Variants in PACRG observed in about 807,000 individuals in gnomAD.
PACRG encodes parkin coregulated.
Under a neutral mutation model 29.7 loss-of-function variants are expected in PACRG, and 29 were observed. That is an observed-to-expected ratio of 0.98 (90% CI 0.73 to 1.33). PACRG has a LOEUF of 1.33. PACRG is among the 40% of genes most tolerant of loss of function. The pLI, the probability that PACRG is intolerant of heterozygous loss-of-function variation, is 0.00. For missense variants in PACRG, 279 were observed against 316.2 expected, an observed-to-expected ratio of 0.88 and a Z score of 0.89; for synonymous variants, 116 against 118.7, an observed-to-expected ratio of 0.98 and a Z score of 0.15.
chr6:162,949,165 T>C (rs1259101105), intron 2 of PACRG, among the ~76,000 whole-genome samples: 1 of 152,148 alleles, frequency 6.6e-6, no homozygotes, highest in Non-Finnish European at 1.5e-5. Flanking sequence ...TGGAATACTA[T>C]TCAGCCTTAA....
chr6:163,084,594 C>T (rs1020290046), intron 3 of PACRG, among the ~76,000 whole-genome samples: 3 of 152,086 alleles, frequency 2.0e-5, no homozygotes, highest in African/African-American at 7.2e-5. Flanking sequence ...ATTTTAGATG[C>T]CATTACGCGT....
At chr6:162,985,256 C>T (rs1366943607) in intron 2 of PACRG, among the ~76,000 whole-genome samples, 17 of 151,764 alleles carry the variant, frequency 1.1e-4, no homozygotes, top group Admixed American at 6.6e-5. Flanking sequence ...TTTAAAAAAA[C>T]GAAAACTACA....
At chr6:163,031,139 G>C (rs1158528937) in intron 2 of PACRG, among the ~76,000 whole-genome samples, 1 of 152,196 alleles carries the variant, frequency 6.6e-6, no homozygotes, top group Non-Finnish European at 1.5e-5. Context: ...GTGATATCTG[G>C]AAGATTAATA....
At chr6:162,953,682 C>G (rs1181044093) in intron 2 of PACRG, among the ~76,000 whole-genome samples, 2 of 152,060 alleles carry the variant, frequency 1.3e-5, no homozygotes, top group African/African-American at 4.8e-5. Flanking sequence ...CTCCCGCTCT[C>G]TCTCCCTAAC....
At position 163,203,361 on chromosome 6, in the gene PACRG, C is replaced by G. The variant is rs539595140; in HGVS notation, c.614-111466C>G. On this transcript the variant is annotated intron_variant, in intron 4 of 4. Transcript: ENST00000366888. ...CCAGGAGGCGGAGGTTGCAGTGAGC[C>G]GAGATTGCGCCATTGCACTCCAGCC... 6.6e-5 allele frequency among the ~76,000 whole-genome samples: 10 copies of G among 152,066 alleles called. 1 individual carries two copies. The East Asian group carries it at 9.6e-4, about 15-fold the overall frequency.
intron 1 of PACRG, among the ~76,000 whole-genome samples, chr6:162,782,824 GA>G (rs1023095251): frequency 1.3e-5 from 2 of 151,698 alleles, no homozygotes; most frequent in African/African-American, 4.8e-5. Context: ...AAAGTTTTAG[GA>G]AAAATATTTT....
At chr6:163,221,768 T>C (rs1781588122) in intron 4 of PACRG, among the ~76,000 whole-genome samples, 1 of 152,096 alleles carries the variant, frequency 6.6e-6, no homozygotes, top group African/African-American at 2.4e-5. Flanking sequence ...GACCCAAAGC[T>C]CAATGTCATT....
At chr6:163,250,164 C>T (rs1782847288) in intron 4 of PACRG, among the ~76,000 whole-genome samples, 1 of 152,188 alleles carries the variant, frequency 6.6e-6, no homozygotes, top group Admixed American at 6.5e-5. Context: ...TGAAGCAACA[C>T]AAAGTTCTGA....
intron 2 of PACRG, among the ~76,000 whole-genome samples, chr6:162,898,239 G>A (rs865808484): frequency 2.6e-5 from 4 of 152,144 alleles, no homozygotes; most frequent in Non-Finnish European, 4.4e-5. Flanking sequence ...GGTGCTAAGC[G>A]GAATCTCCTC....
intron 4 of PACRG, among the ~76,000 whole-genome samples, chr6:163,220,551 T>C (rs562927032): frequency 6.6e-6 from 1 of 152,326 alleles, no homozygotes; most frequent in Non-Finnish European, 1.5e-5. Context: ...CAGAATGCCA[T>C]AGAGTTTCCA....
intron 4 of PACRG, among the ~76,000 whole-genome samples, chr6:163,274,626 G>T (rs1314242259): frequency 1.3e-5 from 2 of 152,148 alleles, no homozygotes; most frequent in African/African-American, 4.8e-5. Context: ...CACAATGGTT[G>T]AACTAGTTTA....
intron 2 of PACRG, among the ~76,000 whole-genome samples, chr6:162,858,758 C>T (rs1202550652): frequency 6.6e-6 from 1 of 152,152 alleles, no homozygotes; most frequent in East Asian, 1.9e-4. Flanking sequence ...CCAGTTTCTT[C>T]TCCGTGTTCC....
At chr6:162,852,429 C>T (rs1562664653) in intron 2 of PACRG, among the ~76,000 whole-genome samples, 1 of 152,198 alleles carries the variant, frequency 6.6e-6, no homozygotes, top group Non-Finnish European at 1.5e-5. Context: ...CTAAGACGCG[C>T]TTCTGTGGGA....
At chr6:163,031,319 G>A (rs1021457094) in intron 2 of PACRG, among the ~76,000 whole-genome samples, 17 of 152,164 alleles carry the variant, frequency 1.1e-4, no homozygotes, top group Non-Finnish European at 4.4e-5. Flanking sequence ...AGCTGGTAGG[G>A]GGTTGCTAGA....
chr6:162,845,875 A>G (rs1023915814), intron 2 of PACRG, among the ~76,000 whole-genome samples: 10 of 152,176 alleles, frequency 6.6e-5, no homozygotes, highest in African/African-American at 1.9e-4. Flanking sequence ...CCTGTGTTTT[A>G]CTAAATATCA....
chr6:162,908,984 C>T (rs922695458), intron 2 of PACRG, among the ~76,000 whole-genome samples: 9 of 152,152 alleles, frequency 5.9e-5, no homozygotes, highest in African/African-American at 1.4e-4. Context: ...AACAAAATCT[C>T]GAAATGCTAC....
intron 2 of PACRG, among the ~76,000 whole-genome samples, chr6:162,833,351 C>T (rs1788944074): frequency 1.3e-5 from 2 of 152,264 alleles, no homozygotes; most frequent in Admixed American, 1.3e-4. Flanking sequence ...CTTCTAGTAA[C>T]TGCCTCATTC....
chr6:163,133,344 C>T (rs371312091), intron 4 of PACRG, among the ~76,000 whole-genome samples: 2 of 152,174 alleles, frequency 1.3e-5, no homozygotes, highest in African/African-American at 4.8e-5. Flanking sequence ...GAATTTTAAT[C>T]AATAACTACA....
chr6:163,053,142 A>G (rs1270657459), intron 2 of PACRG, among the ~76,000 whole-genome samples: 1 of 152,102 alleles, frequency 6.6e-6, no homozygotes, highest in African/African-American at 2.4e-5. Context: ...TAGTTATCCT[A>G]AGAATGAAAA....
Sources: allele counts gnomAD v4.1 joint callset (sites outside exome capture counted in the v4.1 genomes callset), GRCh38; gene constraint gnomAD v4.1.1; transcripts MANE v1.5; gene names NCBI Gene and HGNC (gene_info 2026-07-23, HGNC 2026-07-21).